TRAPPC12: variants seen among roughly 807,000 people sequenced by gnomAD.
TRAPPC12 encodes the protein trafficking protein particle complex subunit 12.
In TRAPPC12, 61 loss-of-function variants were observed where a neutral mutation model predicts 69.2. That is an observed-to-expected ratio of 0.88 (90% CI 0.72 to 1.09). The LOEUF is 1.09. Among genes scored for constraint, TRAPPC12 ranks in the 50% least tolerant of loss-of-function variants. The pLI is 0.00. For synonymous variants in TRAPPC12, 469 were observed against 438.9 expected (o/e 1.07, Z -0.86); for missense variants, 1,101 against 1,016.4 (o/e 1.08, Z -1.13).
At chr2:3,463,288 G>C (rs1290358180) in intron 8 of TRAPPC12, among the ~76,000 whole-genome samples, 1 of 152,002 alleles carries the variant, frequency 6.6e-6, no homozygotes, top group Non-Finnish European at 1.5e-5. Flanking sequence ...AAGTGCCCCA[G>C]AATTCTTCCC....
intron 6 of TRAPPC12, among the ~76,000 whole-genome samples, chr2:3,446,673 C>T (rs1024660309): frequency 3.3e-5 from 5 of 152,214 alleles, no homozygotes; most frequent in African/African-American, 9.6e-5. Context: ...GTGGGCACTG[C>T]GGGGACATGG....
chr2:3,469,515 G>A (rs933429715), intron 9 of TRAPPC12, among the ~76,000 whole-genome samples: 1 of 152,178 alleles, frequency 6.6e-6, no homozygotes, highest in Non-Finnish European at 1.5e-5. Flanking sequence ...CTTCATGAGG[G>A]CCCAGAGACA....
At chr2:3,415,636 C>G (rs1362756804) in intron 3 of TRAPPC12, among the ~76,000 whole-genome samples, 1 of 151,840 alleles carries the variant, frequency 6.6e-6, no homozygotes, top group African/African-American at 2.4e-5. Flanking sequence ...ACTCCTGATC[C>G]CAGGTGATCC....
intron 9 of TRAPPC12, among the ~76,000 whole-genome samples, chr2:3,467,158 T>C (rs1665852668): frequency 6.6e-6 from 1 of 152,136 alleles, no homozygotes; most frequent in Non-Finnish European, 1.5e-5. Flanking sequence ...TTAAGCCCCA[T>C]CTGGCGCACA....
At chr2:3,395,560 CTTTTTTTTT>C (rs10671671) in intron 2 of TRAPPC12, among the ~76,000 whole-genome samples, 1 of 118,148 alleles carries the variant, frequency 8.5e-6, no homozygotes, top group African/African-American at 3.3e-5. Context: ...AAAATTATTA[CTTTTTTTTT>C]TTTTTTTTTT....
intron 6 of TRAPPC12, among the ~76,000 whole-genome samples, chr2:3,452,405 A>G (rs539817343): frequency 5.3e-5 from 8 of 152,278 alleles, no homozygotes; most frequent in African/African-American, 1.7e-4. Context: ...AGGGATGGGA[A>G]TGAGACTCTG....
intron 3 of TRAPPC12, among the ~76,000 whole-genome samples, chr2:3,418,661 C>T (rs940489862): frequency 9.9e-5 from 15 of 152,200 alleles, no homozygotes; most frequent in Non-Finnish European, 1.0e-4. Context: ...TTCCTGTGAG[C>T]TCTGCCTACC....
At chr2:3,386,722 C>T (rs1054480357) in intron 1 of TRAPPC12, among the ~76,000 whole-genome samples, 3 of 151,842 alleles carry the variant, frequency 2.0e-5, no homozygotes, top group Non-Finnish European at 2.9e-5. Flanking sequence ...GGGGTAGGGG[C>T]GGACGGCATG....
At chr2:3,465,736 G>T in intron 9 of TRAPPC12, 41 bp downstream of exon 9, 1 of 1,381,126 alleles carries the variant, frequency 7.2e-7, no homozygotes, top group Non-Finnish European at 1.0e-6. Flanking sequence ...AAGGCCTTAT[G>T]ATAGTTCTTT....
chr2:3,450,343 A>G (rs1416715109), intron 6 of TRAPPC12, among the ~76,000 whole-genome samples: 8 of 152,210 alleles, frequency 5.3e-5, no homozygotes, highest in Non-Finnish European at 7.3e-5. Context: ...TGATCTGAGT[A>G]GAAAGAAGAA....
chr2:3,434,992 A>G (rs970295930), intron 5 of TRAPPC12, among the ~76,000 whole-genome samples: 8 of 152,212 alleles, frequency 5.3e-5, no homozygotes, highest in African/African-American at 9.6e-5. Flanking sequence ...GAGGATGCCC[A>G]GAAGTTCCAG....
intron 5 of TRAPPC12, among the ~76,000 whole-genome samples, chr2:3,430,124 T>A (rs1230731814): frequency 6.6e-6 from 1 of 152,254 alleles, no homozygotes; most frequent in African/African-American, 2.4e-5. Flanking sequence ...TTGCTTTTTT[T>A]TCCCCACTTT....
At chr2:3,421,617 G>T (rs1236788610) in intron 3 of TRAPPC12, 10 of 684,840 alleles carry the variant, frequency 1.5e-5, no homozygotes, top group Non-Finnish European at 2.8e-5. Context: ...TCTATCGGTT[G>T]TTGAATTGTA....
chr2:3,448,590 A>G (rs1204477239), intron 6 of TRAPPC12, among the ~76,000 whole-genome samples: 3 of 138,372 alleles, frequency 2.2e-5, no homozygotes, highest in African/African-American at 7.1e-5. Context: ...GGGCGTGGAG[A>G]GCAGCCGGTT....
At chr2:3,476,124 CCATT>C in intron 9 of TRAPPC12, among the ~76,000 whole-genome samples, 1 of 152,138 alleles carries the variant, frequency 6.6e-6, no homozygotes. Flanking sequence ...TGGACAGATG[CCATT>C]CAGTGTGTGG....
At chr2:3,476,602 T>G (rs1666300915) in intron 9 of TRAPPC12, among the ~76,000 whole-genome samples, 1 of 152,246 alleles carries the variant, frequency 6.6e-6, no homozygotes, top group Non-Finnish European at 1.5e-5. Context: ...GCCTTGTCAC[T>G]GTCTGTGCTT....
rs563214236 is a variant in TRAPPC12, at chr2:3,478,849, G to A, written c.1881G>A (p.Ala627=). The part of the protein sequence containing the change: ...QGKIMVLMNS[A]FLHLGQNNFA... ...GCCACCGTTGCTTGTGTTACAGCGC[G>A]TTCCTTCACCTCGGGCAGAATAACT... The change falls in exon 11 of 12, where the codon GCG becomes GCA. Residue 627 remains alanine (A), a synonymous_variant. Transcript: ENST00000324266. 3.4e-5 allele frequency: 55 copies of A among 1,614,052 alleles called. No individual in the cohort carries two copies. The highest frequency in any genetic ancestry group is 2.4e-4 in the South Asian group (22 of 91,084).
rs200843155 is a variant in TRAPPC12, at chr2:3,404,527, G to A, written c.1164+2634G>A. ...ATTGGCAAAGCAGCCTTAGTTACTT[G>A]GATTTTATCCTGACTTCATTATATG... On this transcript the variant is annotated intron_variant, in intron 3 of 11. Coordinates refer to ENST00000324266, the MANE Select transcript of TRAPPC12 (RefSeq NM_016030.6). 5.3e-5 allele frequency among the ~76,000 whole-genome samples: 8 copies of A among 152,166 alleles called. No individual in the cohort carries two copies. The East Asian group carries it at 1.5e-3, about 29-fold the overall frequency.
chr2:3,382,103 T>A (rs1376692505), intron 1 of TRAPPC12, among the ~76,000 whole-genome samples: 1 of 151,840 alleles, frequency 6.6e-6, no homozygotes, highest in Non-Finnish European at 1.5e-5. Context: ...TACTTATTAT[T>A]GTGTCTACAG....
Sources: allele counts gnomAD v4.1 joint callset (sites outside exome capture counted in the v4.1 genomes callset), GRCh38; gene constraint gnomAD v4.1.1; transcripts MANE v1.5; gene names NCBI Gene and HGNC (gene_info 2026-07-23, HGNC 2026-07-21).